SLC2A13: variants seen among roughly 807,000 people sequenced by gnomAD.
SLC2A13 encodes the protein solute carrier family 2 member 13, also known as proton myo-inositol cotransporter.
A neutral mutation model predicts 64.4 loss-of-function variants in SLC2A13; 32 were observed. That is an observed-to-expected ratio of 0.50 (90% CI 0.37 to 0.67). The LOEUF (loss-of-function observed/expected upper bound fraction) is 0.67. Ranked by LOEUF, SLC2A13 falls within the 30% of genes least tolerant of loss-of-function variation. SLC2A13 has a pLI of 0.00. For synonymous variants in SLC2A13, 338 were observed against 327.1 expected, an observed-to-expected ratio of 1.03 and a Z score of -0.36; for missense variants, 743 against 829.2, an observed-to-expected ratio of 0.90 and a Z score of 1.28.
At position 39,900,452 on chromosome 12, in the gene SLC2A13, C is replaced by T. The variant is rs532185725; in HGVS notation, c.1035-28491G>A. Among the ~76,000 whole-genome samples the T allele has an allele frequency of 3.1e-3, 474 of 151,918 alleles. 2 individuals are homozygous for T. The highest frequency in any genetic ancestry group is 6.9e-3 in the Middle Eastern group (2 of 290). ...ATCTAGAAAACCCCATCGTCTCAGCCCAAAATCTCCTTAAGCTGATAAGCA... is the reference window on the plus strand; with the variant it reads ...ATCTAGAAAACCCCATCGTCTCAGCTCAAAATCTCCTTAAGCTGATAAGCA... On this transcript the variant is annotated intron_variant, in intron 4 of 9. Transcript: ENST00000280871.
intron 3 of SLC2A13, among the ~76,000 whole-genome samples, chr12:39,993,942 G>A (rs1947181269): frequency 6.6e-6 from 1 of 152,124 alleles, no homozygotes; most frequent in Non-Finnish European, 1.5e-5. Context: ...AACATACACA[G>A]ATTTGTTTAA....
In SLC2A13 at chr12:39,868,707, C is replaced by G. The variant is rs183317051; in HGVS notation, c.1198+3091G>C. Among the ~76,000 whole-genome samples the G allele has an allele frequency of 1.3e-4, 20 of 152,204 alleles. 1 individual carries two copies. The East Asian group carries it at 2.1e-3, about 16-fold the overall frequency. ...CATTACCAATAAAGCTACATAGATC[C>G]AAATCTTCCAATATTAAAGAATCAA... is the stretch of plus-strand genomic sequence containing the variant. On this transcript the variant is annotated intron_variant, in intron 5 of 9. Coordinates refer to ENST00000280871, the MANE Select transcript of SLC2A13 (RefSeq NM_052885.4).
At chr12:39,765,994 C>T (rs917036649) in intron 7 of SLC2A13, among the ~76,000 whole-genome samples, 4 of 152,048 alleles carry the variant, frequency 2.6e-5, no homozygotes, top group African/African-American at 9.7e-5. Flanking sequence ...TTTCTGTGCT[C>T]CGTATAATGC....
At chr12:40,066,173 C>T (rs951043659) in intron 1 of SLC2A13, among the ~76,000 whole-genome samples, 3 of 152,182 alleles carry the variant, frequency 2.0e-5, no homozygotes, top group Admixed American at 2.0e-4. Context: ...CTACCACTCT[C>T]TCCAGGCAAA....
At chr12:39,896,582 A>G (rs928185831) in intron 4 of SLC2A13, among the ~76,000 whole-genome samples, 39 of 147,436 alleles carry the variant, frequency 2.6e-4, no homozygotes, top group South Asian at 2.6e-3. Context: ...GTATGTGTGT[A>G]TATATGTATA....
rs571136351 is a variant in SLC2A13, at chr12:39,978,425, C to T, written c.926-27060G>A. On this transcript the variant is annotated intron_variant, in intron 3 of 9. Coordinates refer to ENST00000280871, the MANE Select transcript of SLC2A13 (RefSeq NM_052885.4). ...CATCTGAGGTACCGAGTTCATCACA[C>T]TGGGGAGTGCCAGACAGTGGGCGCA... Among the ~76,000 whole-genome samples the T allele has an allele frequency of 2.6e-5, 4 of 152,338 alleles. No homozygotes were observed. The South Asian group carries it at 8.3e-4, about 32-fold the overall frequency.
At chr12:39,932,161 G>C (rs10784284) in intron 4 of SLC2A13, among the ~76,000 whole-genome samples, 1 of 151,990 alleles carries the variant, frequency 6.6e-6, no homozygotes, top group African/African-American at 2.4e-5. Flanking sequence ...GGGTGATTTT[G>C]ATTTTACTAT....
chr12:39,786,877 G>A (rs1358634084), intron 7 of SLC2A13, among the ~76,000 whole-genome samples: 3 of 152,170 alleles, frequency 2.0e-5, no homozygotes, highest in African/African-American at 7.2e-5. Context: ...GACTTATTTT[G>A]AGCTAGTTCT....
intron 6 of SLC2A13, chr12:39,835,736 A>G (rs575994958): frequency 7.9e-5 from 12 of 152,250 alleles, no homozygotes; most frequent in African/African-American, 2.9e-4. Context: ...TCACCAATAT[A>G]TATTTATTGA....
intron 4 of SLC2A13, among the ~76,000 whole-genome samples, chr12:39,880,612 A>G (rs1217146299): frequency 6.6e-6 from 1 of 152,206 alleles, no homozygotes; most frequent in East Asian, 1.9e-4. Flanking sequence ...ATATTAGAAA[A>G]TAATTTTCAT....
In SLC2A13 at chr12:39,928,533, C is replaced by T. The variant is rs143183799; in HGVS notation, c.1034+22724G>A. Reference sequence around the variant, plus strand: ...CTTAAAAAATTAAGGATATTAAATGCGTAACTGGTTAAAAAATAAGCAACA... The same window carrying T: ...CTTAAAAAATTAAGGATATTAAATGTGTAACTGGTTAAAAAATAAGCAACA... On this transcript the variant is annotated intron_variant, in intron 4 of 9. Transcript: ENST00000280871. Among the ~76,000 whole-genome samples the T allele has an allele frequency of 9.2e-5, 14 of 152,226 alleles. No homozygotes were observed. The South Asian group carries it at 1.9e-3, about 20-fold the overall frequency.
chr12:39,773,058 T>C (rs1940641579), intron 7 of SLC2A13, among the ~76,000 whole-genome samples: 1 of 152,228 alleles, frequency 6.6e-6, no homozygotes, highest in Non-Finnish European at 1.5e-5. Context: ...CAAAATATCC[T>C]CATGCTTTCC....
chr12:39,971,636 T>C (rs554835637), intron 3 of SLC2A13, among the ~76,000 whole-genome samples: 16 of 152,164 alleles, frequency 1.1e-4, no homozygotes, highest in Admixed American at 1.3e-4. Flanking sequence ...ACAATCCATA[T>C]AGTTTATGTT....
chr12:40,018,039 A>C (rs923911563), intron 3 of SLC2A13, among the ~76,000 whole-genome samples: 2 of 152,070 alleles, frequency 1.3e-5, no homozygotes, highest in African/African-American at 4.8e-5. Flanking sequence ...GCATCCTCAA[A>C]TTAGTCCAAA....
chr12:40,051,933 T>C (rs1298109313), intron 1 of SLC2A13, among the ~76,000 whole-genome samples: 4 of 152,144 alleles, frequency 2.6e-5, no homozygotes, highest in African/African-American at 7.2e-5. Flanking sequence ...GAAAATTGAT[T>C]GCAGGGAAGC....
At chr12:39,943,050 A>G (rs1464274245) in intron 4 of SLC2A13, among the ~76,000 whole-genome samples, 1 of 151,598 alleles carries the variant, frequency 6.6e-6, no homozygotes, top group Non-Finnish European at 1.5e-5. Flanking sequence ...CTGGAGGTCC[A>G]CTCCAGGCCA....
At chr12:39,925,712 G>A (rs185340048) in intron 4 of SLC2A13, among the ~76,000 whole-genome samples, 142 of 152,158 alleles carry the variant, frequency 9.3e-4, no homozygotes, top group African/African-American at 3.3e-3. Context: ...AGTAATGCTA[G>A]CCCTCTACAT....
intron 3 of SLC2A13, among the ~76,000 whole-genome samples, chr12:39,967,319 T>A (rs890762261): frequency 2.0e-5 from 3 of 152,190 alleles, no homozygotes; most frequent in African/African-American, 4.8e-5. Flanking sequence ...TTCAACTTAT[T>A]GATGACTTAT....
intron 1 of SLC2A13, among the ~76,000 whole-genome samples, chr12:40,090,993 T>C (rs768528189): frequency 6.6e-6 from 1 of 152,098 alleles, no homozygotes; most frequent in Non-Finnish European, 1.5e-5. Context: ...CTTCATAGAG[T>C]GTCCTTACAC....
Sources: gnomAD v4.1 joint callset for allele counts (sites outside exome capture counted in the v4.1 genomes callset) on GRCh38, gnomAD v4.1.1 for gene constraint, MANE v1.5 for transcripts, NCBI Gene and HGNC (gene_info 2026-07-23, HGNC 2026-07-21) for gene names.